The following XXYLT1 variants were observed in gnomAD, a reference collection of about 807,000 sequenced individuals.
XXYLT1 encodes the protein UDP-xylose:alpha-xyloside alpha-1,3-xylosyltransferase.
Under a neutral mutation model 28.9 loss-of-function variants are expected in XXYLT1, and 20 were observed. The observed-to-expected ratio is 0.69, with a 90% CI of 0.49 to 1.00. XXYLT1 has a LOEUF of 1.00. Ranked by LOEUF, XXYLT1 falls within the 50% of genes least tolerant of loss-of-function variation. The pLI, the probability that XXYLT1 is intolerant of heterozygous loss-of-function variation, is 0.00. For synonymous variants in XXYLT1, 257 were observed against 253.8 expected (o/e 1.01, Z -0.12); for missense variants, 542 against 560.1 (o/e 0.97, Z 0.33).
chr3:195,078,941 G>T lies in XXYLT1; in HGVS notation c.786-8830C>A, dbSNP rs12636377. ...CTAAGCTACCCACTCGGCTCTCCAT[G>T]AACTTTGCGACCAGACGCACTCTGC... On this transcript the variant is annotated intron_variant, in intron 3 of 3. Transcript: ENST00000310380. This position sits in a 1 kb window ranked among gnomAD's most constrained non-coding sequence, Gnocchi z 5.0. 0.11 allele frequency among the ~76,000 whole-genome samples: 16,767 copies of T among 152,092 alleles called. 1,046 individuals are homozygous for T. The highest frequency in any genetic ancestry group is 0.32 in the East Asian group (1,646 of 5,154).
At chr3:195,119,425 G>A (rs556721728) in intron 3 of XXYLT1, among the ~76,000 whole-genome samples, 9 of 152,250 alleles carry the variant, frequency 5.9e-5, no homozygotes, top group South Asian at 2.1e-4. Context: ...GAGGACAGGC[G>A]ATGAAGGGTA....
intron 3 of XXYLT1, among the ~76,000 whole-genome samples, chr3:195,127,268 G>A (rs918884932): frequency 6.6e-6 from 1 of 152,090 alleles, no homozygotes; most frequent in Non-Finnish European, 1.5e-5. Context: ...CTCACACGGC[G>A]GATTTGACTC....
intron 1 of XXYLT1, among the ~76,000 whole-genome samples, chr3:195,230,617 C>A (rs765252076): frequency 2.0e-5 from 3 of 152,150 alleles, no homozygotes; most frequent in Non-Finnish European, 4.4e-5. Context: ...GTTTTCCCAG[C>A]TTCATTTATT....
chr3:195,119,121 C>CAAAA (rs112040231), intron 3 of XXYLT1, among the ~76,000 whole-genome samples: 4 of 140,262 alleles, frequency 2.9e-5, no homozygotes, highest in African/African-American at 1.1e-4. Context: ...ACTAAAAATA[C>CAAAA]AAAAAAAAAA....
chr3:195,237,949 T>C (rs916234044), intron 1 of XXYLT1, among the ~76,000 whole-genome samples: 45 of 152,178 alleles, frequency 3.0e-4, no homozygotes, highest in East Asian at 3.9e-4. Flanking sequence ...CTGCGACCTC[T>C]CTGACAGGTT....
intron 3 of XXYLT1, among the ~76,000 whole-genome samples, chr3:195,101,706 A>T (rs1347080864): frequency 6.6e-6 from 1 of 151,140 alleles, no homozygotes; most frequent in African/African-American, 2.4e-5. Flanking sequence ...TGTTCCTGTT[A>T]TCCTAGCTAC....
chr3:195,103,864 C>T (rs1265129814), intron 3 of XXYLT1, among the ~76,000 whole-genome samples: 2 of 152,222 alleles, frequency 1.3e-5, no homozygotes, highest in South Asian at 2.1e-4. Context: ...GGGTCATATG[C>T]TTCTGATTAC....
intron 3 of XXYLT1, chr3:195,152,862 GGTTTTGTGCT>G (rs1307773021): frequency 6.6e-6 from 1 of 152,178 alleles, no homozygotes; most frequent in Non-Finnish European, 1.5e-5. Context: ...GTCAAGATTT[GGTTTTGTGCT>G]GTTTTGTGTT....
chr3:195,220,481 T>C (rs1346378143), intron 2 of XXYLT1, among the ~76,000 whole-genome samples: 1 of 152,048 alleles, frequency 6.6e-6, no homozygotes, highest in African/African-American at 2.4e-5. Context: ...TAGGGCCTCT[T>C]TTAAATAACC....
chr3:195,189,363 C>T (rs959614213), intron 2 of XXYLT1, among the ~76,000 whole-genome samples: 9 of 152,086 alleles, frequency 5.9e-5, no homozygotes, highest in African/African-American at 2.2e-4. Flanking sequence ...GCAACAACAA[C>T]CATTACAGGG....
chr3:195,108,669 G>A (rs76704604), intron 3 of XXYLT1, among the ~76,000 whole-genome samples: 2 of 152,134 alleles, frequency 1.3e-5, no homozygotes, highest in African/African-American at 4.8e-5. Context: ...AAACCTGCAT[G>A]GCATGTTACT....
intron 3 of XXYLT1, among the ~76,000 whole-genome samples, chr3:195,096,715 G>A (rs766435305): frequency 2.6e-5 from 4 of 152,176 alleles, no homozygotes; most frequent in Admixed American, 6.5e-5. Flanking sequence ...GCAAGGCTGA[G>A]CTTTCCTTTC....
intron 2 of XXYLT1, chr3:195,184,505 G>T: frequency 1.7e-6 from 1 of 586,882 alleles, no homozygotes; most frequent in Non-Finnish European, 2.1e-6. Context: ...TCACCTTGTT[G>T]GCTGACACCA....
At position 195,150,894 on chromosome 3, in the gene XXYLT1, T is replaced by TCTCC. The variant is rs1560121968; in HGVS notation, c.785+5554_785+5555insGGAG. Reference sequence around the variant, plus strand: ...CTCTCTCCCTCTCCCTCTCCCTCTCTCTCTCTCCATCACTCCAGGGTCAGC... The same window carrying TCTCC: ...CTCTCTCCCTCTCCCTCTCCCTCTCTCTCCCTCTCTCCATCACTCCAGGGTCAGC... On this transcript the variant is annotated intron_variant, in intron 3 of 3. Transcript: ENST00000310380. The surrounding 1 kb of genome is among the most constrained non-coding windows in gnomAD (Gnocchi z 4.7). 7.4e-4 allele frequency among the ~76,000 whole-genome samples: 111 copies of TCTCC among 150,636 alleles called. No individual in the cohort carries two copies. Among genetic ancestry groups the TCTCC allele is most frequent in the African/African-American group, 2.6e-3 (105 of 40,486 alleles).
At chr3:195,143,095 T>C (rs985736015) in intron 3 of XXYLT1, among the ~76,000 whole-genome samples, 3 of 152,244 alleles carry the variant, frequency 2.0e-5, no homozygotes, top group Admixed American at 2.0e-4. Flanking sequence ...CATTTAGTTA[T>C]TAGCTAAATC....
chr3:195,258,388 T>A (rs1357083399), intron 1 of XXYLT1, among the ~76,000 whole-genome samples: 1 of 152,214 alleles, frequency 6.6e-6, no homozygotes, highest in East Asian at 1.9e-4. Flanking sequence ...TATAAACAGT[T>A]ACTGTGTGCA....
At chr3:195,184,754 T>C in intron 2 of XXYLT1, 1 of 985,270 alleles carries the variant, frequency 1.0e-6, no homozygotes, top group Non-Finnish European at 1.2e-6. Flanking sequence ...GCTGGGAAAA[T>C]ATTCCAGGGA....
chr3:195,122,610 A>G (rs528941139), intron 3 of XXYLT1, among the ~76,000 whole-genome samples: 12 of 152,330 alleles, frequency 7.9e-5, no homozygotes, highest in African/African-American at 2.9e-4. Flanking sequence ...ATGAGTCCCA[A>G]GGTCCTTCGA....
chr3:195,072,483 G>C (rs181134924), intron 3 of XXYLT1, among the ~76,000 whole-genome samples: 1 of 151,276 alleles, frequency 6.6e-6, no homozygotes, highest in Non-Finnish European at 1.5e-5. Flanking sequence ...TCAGGAGATG[G>C]GGGCCGCAGG....
Sources: gnomAD v4.1 joint callset for allele counts (sites outside exome capture counted in the v4.1 genomes callset) on GRCh38, gnomAD v4.1.1 for gene constraint, Gnocchi (gnomAD v3.1) non-coding constraint, MANE v1.5 for transcripts, NCBI Gene and HGNC (gene_info 2026-07-23, HGNC 2026-07-21) for gene names.